The following RB1CC1 variants were observed in gnomAD, a reference collection of about 807,000 sequenced individuals.
RB1CC1 encodes RB1 inducible coiled-coil 1.
In RB1CC1, 46 loss-of-function variants were observed where a neutral mutation model predicts 177.5. That is an observed-to-expected ratio of 0.26 (90% CI 0.20 to 0.33). The LOEUF (loss-of-function observed/expected upper bound fraction) is 0.33, where lower values mean the gene tolerates loss of function less well. RB1CC1 is among the 10% of genes least tolerant of loss of function. The pLI is 1.00. For missense variants in RB1CC1, 1,703 were observed against 1,816.3 expected (o/e 0.94, Z 1.13); for synonymous variants, 666 against 613.6 (o/e 1.09, Z -1.26).
intron 5 of RB1CC1, among the ~76,000 whole-genome samples, chr8:52,677,733 A>G (rs1264806938): frequency 6.6e-6 from 1 of 152,186 alleles, no homozygotes; most frequent in African/African-American, 2.4e-5. Context: ...CAGTAAAATG[A>G]TTATGTGCCA....
chr8:52,639,386 A>G (rs1849397726), intron 18 of RB1CC1, among the ~76,000 whole-genome samples: 1 of 151,630 alleles, frequency 6.6e-6, no homozygotes, highest in Non-Finnish European at 1.5e-5. Context: ...TCTATGATCT[A>G]CACTCTGATG....
chr8:52,709,568 G>A (rs572342949), intron 1 of RB1CC1, among the ~76,000 whole-genome samples: 46 of 152,148 alleles, frequency 3.0e-4, no homozygotes, highest in Middle Eastern at 3.4e-3. Context: ...GTGAAACCCC[G>A]TCTCTACTAA....
At chr8:52,636,158 CTT>C in intron 18 of RB1CC1, 89 bp from the exon 19 acceptor site, 1 of 1,370,506 alleles carries the variant, frequency 7.3e-7, no homozygotes, top group Non-Finnish European at 9.7e-7. Flanking sequence ...ATACAGATCA[CTT>C]TAACAATTTA....
chr8:52,634,429 T>C (rs1590922940), intron 20 of RB1CC1, among the ~76,000 whole-genome samples: 1 of 151,650 alleles, frequency 6.6e-6, no homozygotes, highest in South Asian at 2.1e-4. Flanking sequence ...GGGAGGCTAA[T>C]GCACAAGAAT....
chr8:52,642,254 G>T, intron 18 of RB1CC1, 97 bp downstream of exon 18: 1 of 1,440,176 alleles, frequency 6.9e-7, no homozygotes. Context: ...ATGGGCTGTG[G>T]ACAACCAGTA....
chr8:52,636,573 C>G (rs1849157631), intron 18 of RB1CC1, among the ~76,000 whole-genome samples: 2 of 152,152 alleles, frequency 1.3e-5, no homozygotes, highest in African/African-American at 4.8e-5. Flanking sequence ...TAAAATTCAT[C>G]TACAGGTATA....
intron 6 of RB1CC1, among the ~76,000 whole-genome samples, chr8:52,674,799 A>G (rs1276261394): frequency 6.6e-6 from 1 of 152,136 alleles, no homozygotes; most frequent in Non-Finnish European, 1.5e-5. Flanking sequence ...CTCTAAAGTA[A>G]AGTAGCTATA....
rs1195674932 is a variant in RB1CC1, at chr8:52,685,634, G to A, written c.-51-114C>T. ...TATAAATAACAAAAATATCAAAATG[G>A]GCTTTGATGTCTAGGATGGCTAACT... On this transcript the variant is annotated intron_variant, in intron 2 of 23. Coordinates refer to ENST00000025008, the MANE Select transcript of RB1CC1 (RefSeq NM_014781.5). The A allele has an allele frequency of 1.1e-4, 47 of 423,982 alleles. No individual in the cohort carries two copies. In the Admixed American group the frequency reaches 2.0e-3, roughly 18 times the overall value. 26.3% of individuals were successfully genotyped at this position (423,982 alleles called of 1,614,324 possible). A position where few individuals can be genotyped will look rare whatever the true frequency, so the allele number is the denominator to read the frequency against.
chr8:52,628,091 G>A lies in RB1CC1; in HGVS notation c.4577C>T (p.Thr1526Ile), dbSNP rs763101147. ...DNYVLFTVSPTLYFLHSESLP... is the reference protein window; with the variant it reads ...DNYVLFTVSPILYFLHSESLP... The stretch of plus-strand genomic sequence containing the variant: ...AGACTCTGAATGTAGAAAATATAAA[G>A]TAGGACTAACAGTAAATAACACATA... Residue 1526 changes from threonine (T) to isoleucine (I), a missense_variant, in exon 22 of 24, where the codon ACT becomes ATT. Physicochemically the swap from Thr to Ile is moderately conservative, Grantham distance 89. Around this residue, in one of 6 missense-constraint regions of RB1CC1, gnomAD observed 70 missense variants for 118.0 expected, o/e 0.59. Transcript: ENST00000025008. 4 of 1,605,414 alleles carry A rather than the reference G, an allele frequency of 2.5e-6. No homozygotes were observed. The South Asian group carries it at 3.3e-5, about 13-fold the overall frequency.
At chr8:52,655,077 C>A (rs1850960337) in intron 15 of RB1CC1, among the ~76,000 whole-genome samples, 1 of 152,122 alleles carries the variant, frequency 6.6e-6, no homozygotes, top group African/African-American at 2.4e-5. Context: ...ACTCTGTTAA[C>A]CTTCTCTCAT....
intron 18 of RB1CC1, among the ~76,000 whole-genome samples, chr8:52,638,441 T>C (rs1849319460): frequency 6.6e-6 from 1 of 152,192 alleles, no homozygotes; most frequent in South Asian, 2.1e-4. Context: ...GATATATTTG[T>C]CTGATTTGGT....
chr8:52,686,693 G>T (rs1302606457), intron 2 of RB1CC1, among the ~76,000 whole-genome samples, 160 bp downstream of exon 2: 2 of 152,150 alleles, frequency 1.3e-5, no homozygotes, highest in Non-Finnish European at 2.9e-5. Context: ...TAAATTCCCA[G>T]AAAGTAGTAG....
intron 20 of RB1CC1, 99 bp from the exon 21 acceptor site, chr8:52,630,627 T>C (rs1404379679): frequency 2.4e-6 from 3 of 1,259,820 alleles, no homozygotes; most frequent in Non-Finnish European, 3.2e-6. Context: ...TTCAAGCCTG[T>C]GTCCAGCTTT....
intron 20 of RB1CC1, among the ~76,000 whole-genome samples, chr8:52,630,772 AACAC>A (rs1246365407): frequency 6.6e-6 from 1 of 152,240 alleles, no homozygotes. Flanking sequence ...TTAAAAATAA[AACAC>A]AGAGAAAAGG....
intron 1 of RB1CC1, among the ~76,000 whole-genome samples, chr8:52,690,641 A>T (rs1854764938): frequency 6.6e-6 from 1 of 152,176 alleles, no homozygotes; most frequent in Non-Finnish European, 1.5e-5. Flanking sequence ...TGTGAGACTA[A>T]ACACAAAATC....
intron 18 of RB1CC1, among the ~76,000 whole-genome samples, chr8:52,638,064 C>T (rs566860394): frequency 6.6e-6 from 1 of 152,138 alleles, no homozygotes; most frequent in Non-Finnish European, 1.5e-5. Context: ...CCATCTTCAT[C>T]TTGATTTTAG....
chr8:52,641,384 C>CAAAAAAAAAAAAAAAAAAAAATA (rs33912526), intron 18 of RB1CC1, among the ~76,000 whole-genome samples: 2 of 97,496 alleles, frequency 2.1e-5, no homozygotes, highest in Non-Finnish European at 4.0e-5. Flanking sequence ...GACTTCATCT[C>CAAAAAAAAAAAAAAAAAAAAATA]AAAAAAAAAA....
intron 21 of RB1CC1, among the ~76,000 whole-genome samples, chr8:52,628,969 G>A (rs1243179791): frequency 6.6e-6 from 1 of 152,094 alleles, no homozygotes; most frequent in Admixed American, 6.5e-5. Flanking sequence ...GCACTGTTTT[G>A]GCTAAATGCC....
chr8:52,686,606 T>C (rs1469198286), intron 2 of RB1CC1, among the ~76,000 whole-genome samples: 1 of 152,174 alleles, frequency 6.6e-6, no homozygotes, highest in African/African-American at 2.4e-5. Flanking sequence ...ACAGATTTCA[T>C]GGTCTAGCAT....
Sources: allele counts gnomAD v4.1 joint callset (sites outside exome capture counted in the v4.1 genomes callset), GRCh38; gene constraint gnomAD v4.1.1; regional missense constraint gnomAD v4.1.1; transcripts MANE v1.5; gene names NCBI Gene and HGNC (gene_info 2026-07-23, HGNC 2026-07-21).